Variants in SLC8A1 observed in about 807,000 individuals in gnomAD.
The protein encoded by SLC8A1 is solute carrier family 8 member A1.
In SLC8A1, 18 loss-of-function variants were observed where a neutral mutation model predicts 68.3. That is an observed-to-expected ratio of 0.26 (90% CI 0.18 to 0.39). The LOEUF (loss-of-function observed/expected upper bound fraction) is 0.39, where lower values mean the gene tolerates loss of function less well. SLC8A1 is among the 10% of genes least tolerant of loss of function. SLC8A1 has a pLI of 1.00. For missense variants in SLC8A1, 985 were observed against 1,156.7 expected, an observed-to-expected ratio of 0.85 and a Z score of 2.15; for synonymous variants, 475 against 415.5, an observed-to-expected ratio of 1.14 and a Z score of -1.74.
chr2:40,429,767 C>T (rs1399675837), exon 2 of SLC8A1: 3 of 1,613,794 alleles, frequency 1.9e-6, no homozygotes, highest in South Asian at 1.1e-5. Flanking sequence ...GCACTTCCCA[C>T]GATGGTGCTA....
At chr2:40,296,663 T>C (rs1471512394) in intron 2 of SLC8A1, among the ~76,000 whole-genome samples, 2 of 152,208 alleles carry the variant, frequency 1.3e-5, no homozygotes, top group Non-Finnish European at 2.9e-5. Flanking sequence ...TTAAATCATT[T>C]AATAAATTAT....
At chr2:40,250,793 G>A (rs1055052132) in intron 2 of SLC8A1, among the ~76,000 whole-genome samples, 1 of 152,112 alleles carries the variant, frequency 6.6e-6, no homozygotes, top group Non-Finnish European at 1.5e-5. Flanking sequence ...AGGCAAATGG[G>A]ATGTTTTCCC....
intron 2 of SLC8A1, among the ~76,000 whole-genome samples, chr2:40,295,959 G>A (rs758046757): frequency 5.9e-5 from 9 of 152,164 alleles, no homozygotes; most frequent in Middle Eastern, 6.3e-3. Context: ...AAAGGAGGGT[G>A]TTGGTGGTAT....
intron 2 of SLC8A1, among the ~76,000 whole-genome samples, chr2:40,267,140 A>C (rs895636932): frequency 1.4e-4 from 21 of 152,238 alleles, no homozygotes; most frequent in African/African-American, 4.8e-4. Context: ...ATGGTGAGGC[A>C]ATTTCATTAA....
At chr2:40,343,309 A>C (rs552102780) in intron 2 of SLC8A1, among the ~76,000 whole-genome samples, 1 of 152,072 alleles carries the variant, frequency 6.6e-6, no homozygotes, top group Non-Finnish European at 1.5e-5. Context: ...TCACCTATAA[A>C]CATGTCTATG....
rs1025319241 is a variant in SLC8A1, at chr2:40,235,223, T to C, written c.1809-57368A>G. Among the ~76,000 whole-genome samples the C allele has an allele frequency of 2.6e-5, 4 of 152,318 alleles. No individual in the cohort carries two copies. In the East Asian group the frequency reaches 5.8e-4, roughly 22 times the overall value. On this transcript the variant is annotated intron_variant, in intron 2 of 7. Transcript: ENST00000406785. The stretch of plus-strand genomic sequence containing the variant: ...GGTAGAATTTGGCTGTGAATCCATC[T>C]GGTCCTGGACTCTTTTTGGTTGGTA...
chr2:40,242,512 C>T (rs879705998), intron 2 of SLC8A1, among the ~76,000 whole-genome samples: 7 of 152,296 alleles, frequency 4.6e-5, no homozygotes, highest in East Asian at 1.9e-4. Flanking sequence ...CATCCACTAA[C>T]AAGAACAATG....
chr2:40,338,233 G>C (rs1396832207), intron 2 of SLC8A1, among the ~76,000 whole-genome samples: 1 of 152,146 alleles, frequency 6.6e-6, no homozygotes, highest in African/African-American at 2.4e-5. Context: ...TTCATAGCAA[G>C]AGAAGCCTGG....
At chr2:40,278,782 A>G (rs1054316855) in intron 2 of SLC8A1, among the ~76,000 whole-genome samples, 10 of 145,534 alleles carry the variant, frequency 6.9e-5, no homozygotes, top group East Asian at 4.8e-4. Flanking sequence ...TAATGCCACA[A>G]TGAAAAAAAC....
chr2:40,158,128 G>T (rs898991283), intron 6 of SLC8A1, among the ~76,000 whole-genome samples: 3 of 152,146 alleles, frequency 2.0e-5, no homozygotes, highest in Non-Finnish European at 2.9e-5. Flanking sequence ...CCTCTCAGTA[G>T]AGCCCTTTAA....
chr2:40,483,710 G>T (rs1035056806), intron 1 of SLC8A1, among the ~76,000 whole-genome samples: 3 of 152,206 alleles, frequency 2.0e-5, no homozygotes, highest in African/African-American at 7.2e-5. Context: ...CTTCTTAAAA[G>T]ATGGCTGACG....
intron 1 of SLC8A1, among the ~76,000 whole-genome samples, chr2:40,482,765 C>T (rs1360070533): frequency 6.7e-6 from 1 of 149,638 alleles, no homozygotes; most frequent in Admixed American, 6.7e-5. Flanking sequence ...TTCCTTATTT[C>T]TATGACAGAA....
intron 2 of SLC8A1, among the ~76,000 whole-genome samples, chr2:40,313,864 C>T (rs894181826): frequency 3.1e-4 from 47 of 151,676 alleles, no homozygotes; most frequent in African/African-American, 1.1e-3. Context: ...AATATTTGAC[C>T]AATTTTTTGC....
chr2:40,419,600 C>G (rs1475157291), intron 2 of SLC8A1, among the ~76,000 whole-genome samples: 2 of 152,036 alleles, frequency 1.3e-5, no homozygotes, highest in Non-Finnish European at 2.9e-5. Context: ...ATACAAATCC[C>G]AGGAACACAG....
intron 2 of SLC8A1, among the ~76,000 whole-genome samples, chr2:40,228,525 T>C (rs1174204283): frequency 6.6e-6 from 1 of 152,240 alleles, no homozygotes; most frequent in Non-Finnish European, 1.5e-5. Context: ...AATCCCACAG[T>C]GGAAAAAGCC....
intron 3 of SLC8A1, chr2:40,177,639 G>T (rs1358268849): frequency 9.3e-6 from 6 of 643,794 alleles, no homozygotes; most frequent in Non-Finnish European, 1.4e-5. Flanking sequence ...CAAAGGCAAT[G>T]AAGTATAGTA....
intron 7 of SLC8A1, among the ~76,000 whole-genome samples, chr2:40,137,755 C>T (rs7573537): frequency 0.38 from 57,360 of 151,762 alleles, 10,965 homozygotes; most frequent in South Asian, 0.45. Flanking sequence ...CTGTAAGGAT[C>T]GATGGTCAAC....
chr2:40,182,023 A>G (rs2049664817), intron 2 of SLC8A1, among the ~76,000 whole-genome samples: 2 of 152,192 alleles, frequency 1.3e-5, no homozygotes, highest in African/African-American at 2.4e-5. Flanking sequence ...AATGTCCTCC[A>G]GTTGGCCCCA....
chr2:40,344,743 C>A (rs1668731450), intron 2 of SLC8A1, among the ~76,000 whole-genome samples: 1 of 152,104 alleles, frequency 6.6e-6, no homozygotes, highest in Non-Finnish European at 1.5e-5. Context: ...GAGGACAGCC[C>A]TCCTAGGAAA....
Sources: allele counts gnomAD v4.1 joint callset (sites outside exome capture counted in the v4.1 genomes callset), GRCh38; gene constraint gnomAD v4.1.1; transcripts MANE v1.5; gene names NCBI Gene and HGNC (gene_info 2026-07-23, HGNC 2026-07-21).